SPDYC: variants seen among roughly 807,000 people sequenced by gnomAD.
SPDYC encodes the protein speedy/RINGO cell cycle regulator family member C.
Under a neutral mutation model 33.9 loss-of-function variants are expected in SPDYC, and 25 were observed. The observed-to-expected ratio is 0.74, with a 90% CI of 0.54 to 1.03. The LOEUF (loss-of-function observed/expected upper bound fraction) is 1.03, where lower values mean the gene tolerates loss of function less well. SPDYC is among the 50% of genes least tolerant of loss of function. SPDYC has a pLI of 0.00. For missense variants in SPDYC, 349 were observed against 382.9 expected, an observed-to-expected ratio of 0.91 and a Z score of 0.74; for synonymous variants, 133 against 140.2, an observed-to-expected ratio of 0.95 and a Z score of 0.36.
At chr11:65,173,090 G>A (rs759631364) in intron 6 of SPDYC, 76 bp downstream of exon 6, 1 of 1,598,340 alleles carries the variant, frequency 6.3e-7, no homozygotes, top group Non-Finnish European at 8.5e-7. Flanking sequence ...AACAATATGA[G>A]AGAGAGGGCC....
chr11:65,171,933 C>G lies in SPDYC; in HGVS notation c.200-10C>G. ...TAACCTGCGTCCTGTCATGTCTTCT[C>G]TACCCTCAGAGGACAGTTTTGTCCA... On this transcript the variant is annotated splice_polypyrimidine_tract_variant and intron_variant, in intron 2 of 6. Transcript: ENST00000377185. The G allele has an allele frequency of 6.2e-7, 1 of 1,614,032 alleles. No homozygotes were observed. Among genetic ancestry groups the G allele is most frequent in the Non-Finnish European group, 8.5e-7 (1 of 1,179,906 alleles).
exon 2 of SPDYC, chr11:65,171,435 T>C (rs779319607): frequency 6.3e-7 from 1 of 1,598,864 alleles, no homozygotes; most frequent in South Asian, 1.1e-5. Flanking sequence ...GCCGGCAAGG[T>C]GGGGGCAATG....
Position 65,171,461 on chromosome 11 carries a change from G to A in SPDYC, c.161G>A (p.Arg54His), listed in dbSNP as rs746091682. 2.9e-5 allele frequency: 47 copies of A among 1,594,840 alleles called. No individual in the cohort carries two copies. In the Admixed American group the frequency reaches 6.3e-4, roughly 22 times the overall value. The change falls in exon 2 of 7, where the codon CGC becomes CAC. Residue 54 changes from arginine (R) to histidine (H), a missense_variant. Arg to His is a conservative substitution (Grantham distance 29, BLOSUM62 0). Coordinates refer to ENST00000377185, the Ensembl canonical transcript of SPDYC. ...GGGGGCAATGGGTTCCTCCGTTTTC[G>A]CCAGCACCAGGAGGTCCAGGCCTTC...
intron 6 of SPDYC, 30 bp downstream of exon 6, chr11:65,173,044 G>A (rs369383569): frequency 6.8e-5 from 110 of 1,606,056 alleles, no homozygotes; most frequent in Non-Finnish European, 9.1e-5. Context: ...GGAGCTGGGG[G>A]CTGGTGTGGG....
chr11:65,170,233 G>C, exon 1 of SPDYC: 1 of 1,573,098 alleles, frequency 6.4e-7, no homozygotes, highest in Non-Finnish European at 8.6e-7. Context: ...CGGCGTTGGT[G>C]TTATGCTCTG....
At chr11:65,172,644 G>A (rs764259688) in intron 5 of SPDYC, 39 bp downstream of exon 5, 3 of 1,560,486 alleles carry the variant, frequency 1.9e-6, no homozygotes, top group Non-Finnish European at 2.6e-6. Flanking sequence ...GGGAAGGCTG[G>A]GGTTCCCACC....
exon 2 of SPDYC, chr11:65,171,358 A>G (rs771315748): frequency 3.1e-6 from 5 of 1,612,420 alleles, no homozygotes; most frequent in Non-Finnish European, 4.2e-6. Context: ...CTCCTATGAG[A>G]TGAGTGACTC....
At chr11:65,172,090 C>T in intron 3 of SPDYC, 89 bp downstream of exon 3, 4 of 1,508,264 alleles carry the variant, frequency 2.7e-6, no homozygotes, top group Non-Finnish European at 2.8e-6. Flanking sequence ...AGCCACTCAC[C>T]TTCCATCCTT....
chr11:65,172,225 C>T (rs774888405), intron 3 of SPDYC, 21 bp from the exon 4 acceptor site: 5 of 1,613,924 alleles, frequency 3.1e-6, no homozygotes, highest in East Asian at 2.2e-5. Flanking sequence ...ACTAACCCCC[C>T]ACCCCGATCT....
At chr11:65,172,546 G>A (rs267603114) in exon 5 of SPDYC, 10 of 1,569,882 alleles carry the variant, frequency 6.4e-6, no homozygotes, top group Non-Finnish European at 8.6e-6. Context: ...GCACCAGAGG[G>A]ATAAGCTTTG....
At chr11:65,173,155 T>C (rs751653366) in intron 6 of SPDYC, 28 bp from the exon 7 acceptor site, 1 of 1,613,376 alleles carries the variant, frequency 6.2e-7, no homozygotes, top group South Asian at 1.1e-5. Context: ...AGGTTTCTTC[T>C]CTGAGCCTCA....
At chr11:65,171,795 TAAGAAAGAGAGA>T in intron 2 of SPDYC, 136 bp from the exon 3 acceptor site, 1 of 734,666 alleles carries the variant, frequency 1.4e-6, no homozygotes, top group East Asian at 2.7e-5. Context: ...CTATTTATAT[TAAGAAAGAGAGA>T]GAGAAAGAGA....
At chr11:65,171,049 C>T (rs1482993969) in intron 1 of SPDYC, among the ~76,000 whole-genome samples, 2 of 152,192 alleles carry the variant, frequency 1.3e-5, no homozygotes, top group South Asian at 4.1e-4. Flanking sequence ...TAAGCACAGC[C>T]CCAGGCACTT....
At chr11:65,171,013 A>G (rs1948424822) in intron 1 of SPDYC, among the ~76,000 whole-genome samples, 2 of 151,972 alleles carry the variant, frequency 1.3e-5, no homozygotes, top group African/African-American at 4.8e-5. Context: ...TTACCTCCTT[A>G]CCAGGATGGA....
intron 2 of SPDYC, 111 bp downstream of exon 2, chr11:65,171,610 C>A (rs1412257696): frequency 1.6e-6 from 2 of 1,265,904 alleles, no homozygotes; most frequent in African/African-American, 1.5e-5. Flanking sequence ...TGACCCTCTC[C>A]CTCTCAGGTA....
At chr11:65,172,123 C>T (rs1948442295) in intron 3 of SPDYC, 122 bp downstream of exon 3, 9 of 1,493,756 alleles carry the variant, frequency 6.0e-6, no homozygotes, top group Non-Finnish European at 8.4e-6. Context: ...TTGCACACCA[C>T]TTCCCACCAT....
rs1470053579 is a variant in SPDYC at position 65,172,483 on chromosome 11, A to AT, written c.399dup (p.Pro134SerfsTer21). 6 of 1,581,310 alleles carry AT rather than the reference A, an allele frequency of 3.8e-6. No homozygotes were observed. In the East Asian group the frequency reaches 1.1e-4, roughly 30 times the overall value. ...GGACCTGGAGGGCCCCAAATGTGAG[A>AT]TTTTTCCATGGGCCCTGGGAAAAGA... On this transcript the variant is annotated frameshift_variant, in exon 5 of 7. Transcript: ENST00000377185. LOFTEE classifies it high-confidence loss of function.
intron 1 of SPDYC, 52 bp downstream of exon 1, chr11:65,170,313 G>C: frequency 1.9e-6 from 3 of 1,541,792 alleles, no homozygotes; most frequent in Non-Finnish European, 2.6e-6. Context: ...CCTAGATGGA[G>C]GGGCCCAGAT....
exon 2 of SPDYC, chr11:65,171,497 T>G: frequency 6.4e-7 from 1 of 1,566,738 alleles, no homozygotes; most frequent in Non-Finnish European, 8.6e-7. Context: ...CTCAGCCTTC[T>G]GGGTGAGTTT....
Sources: gnomAD v4.1 joint callset for allele counts (sites outside exome capture counted in the v4.1 genomes callset) on GRCh38, gnomAD v4.1.1 for gene constraint, MANE v1.5 for transcripts, NCBI Gene and HGNC (gene_info 2026-07-23, HGNC 2026-07-21) for gene names.